NPAS3: variants seen among roughly 807,000 people sequenced by gnomAD.
NPAS3 encodes neuronal PAS domain-containing protein 3.
A neutral mutation model predicts 73.1 loss-of-function variants in NPAS3; 14 were observed. That is an observed-to-expected ratio of 0.19 (90% CI 0.13 to 0.30). The LOEUF (loss-of-function observed/expected upper bound fraction) is 0.30, where lower values mean the gene tolerates loss of function less well. NPAS3 is among the 10% of genes least tolerant of loss of function. The pLI, the probability that NPAS3 is intolerant of heterozygous loss-of-function variation, is 1.00. For missense variants in NPAS3, 1,096 were observed against 1,250.0 expected (o/e 0.88, Z 1.86); for synonymous variants, 620 against 541.5 (o/e 1.14, Z -2.01).
chr14:32,942,960 G>A (rs2036087279), intron 1 of NPAS3, among the ~76,000 whole-genome samples: 2 of 152,208 alleles, frequency 1.3e-5, no homozygotes, highest in Admixed American at 1.3e-4. Flanking sequence ...TGATCCACCA[G>A]AGAGGATATT....
intron 3 of NPAS3, among the ~76,000 whole-genome samples, chr14:33,313,545 A>C (rs563062536): frequency 6.6e-6 from 1 of 152,154 alleles, no homozygotes; most frequent in South Asian, 2.1e-4. Context: ...TGCTGTAGGC[A>C]CTCTTTAAGG....
intron 4 of NPAS3, among the ~76,000 whole-genome samples, chr14:33,483,692 C>T (rs1055923964): frequency 9.2e-5 from 14 of 152,168 alleles, no homozygotes; most frequent in Non-Finnish European, 1.9e-4. Context: ...GATTATGAGA[C>T]TGCTAATGGA....
chr14:33,198,395 C>T (rs1056107851), intron 2 of NPAS3, among the ~76,000 whole-genome samples: 4 of 152,280 alleles, frequency 2.6e-5, no homozygotes, highest in Admixed American at 6.5e-5. Flanking sequence ...TGACAGGGTG[C>T]TGATTGGCAG....
chr14:33,374,622 G>T (rs8007246), intron 4 of NPAS3, among the ~76,000 whole-genome samples: 32,202 of 150,832 alleles, frequency 0.21, 3,833 homozygotes, highest in East Asian at 0.36. Flanking sequence ...GTAGAAGACC[G>T]AGTAGAAGAT....
intron 4 of NPAS3, among the ~76,000 whole-genome samples, chr14:33,552,585 A>G (rs1295462707): frequency 1.3e-5 from 2 of 152,198 alleles, no homozygotes; most frequent in Non-Finnish European, 1.5e-5. Context: ...TAACATACAT[A>G]TAATGAAGAC....
intron 4 of NPAS3, among the ~76,000 whole-genome samples, chr14:33,435,775 G>A (rs528159320): frequency 1.3e-5 from 2 of 152,028 alleles, no homozygotes; most frequent in African/African-American, 4.8e-5. Context: ...TGTCCCTTTC[G>A]ATGTACATAG....
chr14:33,022,286 A>G (rs956969374), intron 1 of NPAS3, among the ~76,000 whole-genome samples: 18 of 152,272 alleles, frequency 1.2e-4, no homozygotes, highest in African/African-American at 4.3e-4. Flanking sequence ...TTTTGAAGAA[A>G]AAGTCTATAT....
At chr14:33,488,866 G>A (rs1204451159) in intron 4 of NPAS3, among the ~76,000 whole-genome samples, 4 of 152,144 alleles carry the variant, frequency 2.6e-5, no homozygotes, top group Non-Finnish European at 5.9e-5. Context: ...CCATATTGAG[G>A]TGCCGTATGA....
chr14:33,136,208 A>C (rs1043936985), intron 2 of NPAS3, among the ~76,000 whole-genome samples: 10 of 151,518 alleles, frequency 6.6e-5, no homozygotes, highest in African/African-American at 2.4e-4. Flanking sequence ...CTACAGGCGC[A>C]CACCACCACG....
At chr14:33,425,581 C>A (rs969142616) in intron 4 of NPAS3, among the ~76,000 whole-genome samples, 2 of 144,078 alleles carry the variant, frequency 1.4e-5, no homozygotes, top group Non-Finnish European at 3.0e-5. Context: ...TGTTCATGTG[C>A]TTGACATGTA....
At chr14:33,334,075 A>G (rs4575438) in intron 3 of NPAS3, among the ~76,000 whole-genome samples, 3,097 of 152,308 alleles carry the variant, frequency 0.02, 48 homozygotes, top group South Asian at 0.054. Context: ...CATTGAGTCA[A>G]TGTTTGACAT....
At chr14:32,966,880 T>C (rs917081107) in intron 1 of NPAS3, among the ~76,000 whole-genome samples, 3 of 151,340 alleles carry the variant, frequency 2.0e-5, no homozygotes, top group Non-Finnish European at 2.9e-5. Context: ...TTTTTTTGAA[T>C]AAGACCTCAA....
intron 1 of NPAS3, among the ~76,000 whole-genome samples, chr14:32,940,600 A>T (rs1407219378): frequency 6.6e-6 from 1 of 152,240 alleles, no homozygotes; most frequent in East Asian, 1.9e-4. Context: ...CCCCACCCGC[A>T]GCAGGCGCGT....
intron 3 of NPAS3, among the ~76,000 whole-genome samples, chr14:33,301,320 A>ATT (rs1401695395): frequency 1.0e-5 from 1 of 100,022 alleles, no homozygotes; most frequent in South Asian, 3.7e-4. Context: ...ATATATATAT[A>ATT]TATTTTTTTT....
At chr14:33,591,569 T>C (rs1040021441) in intron 5 of NPAS3, among the ~76,000 whole-genome samples, 2 of 152,192 alleles carry the variant, frequency 1.3e-5, no homozygotes, top group African/African-American at 4.8e-5. Flanking sequence ...GCCTTCAACC[T>C]CAGGTAGTGT....
At chr14:33,551,391 G>T (rs1244733538) in intron 4 of NPAS3, among the ~76,000 whole-genome samples, 1 of 152,126 alleles carries the variant, frequency 6.6e-6, no homozygotes, top group African/African-American at 2.4e-5. Context: ...GTTTTTAAAA[G>T]TCTCCCACTG....
intron 4 of NPAS3, among the ~76,000 whole-genome samples, chr14:33,392,128 T>A (rs562368827): frequency 6.6e-6 from 1 of 152,328 alleles, no homozygotes; most frequent in Non-Finnish European, 1.5e-5. Flanking sequence ...ATTATCTCAG[T>A]AGTTAAAGGA....
intron 4 of NPAS3, among the ~76,000 whole-genome samples, chr14:33,466,076 C>A (rs779542521): frequency 2.6e-5 from 4 of 152,094 alleles, no homozygotes; most frequent in African/African-American, 7.2e-5. Context: ...AATGAGCATG[C>A]GCTTGAGCTT....
At chr14:33,103,933 C>T (rs530327575) in intron 2 of NPAS3, among the ~76,000 whole-genome samples, 1 of 151,894 alleles carries the variant, frequency 6.6e-6, no homozygotes, top group South Asian at 2.1e-4. Flanking sequence ...AAGGGATATA[C>T]CATTAAAGGA....
Sources: gnomAD v4.1 joint callset for allele counts (sites outside exome capture counted in the v4.1 genomes callset) on GRCh38, gnomAD v4.1.1 for gene constraint, MANE v1.5 for transcripts, NCBI Gene and HGNC (gene_info 2026-07-23, HGNC 2026-07-21) for gene names.